CYREN: variants seen among roughly 807,000 people sequenced by gnomAD.
CYREN encodes cell cycle regulator of non-homologous end joining.
In CYREN, 7 loss-of-function variants were observed where a neutral mutation model predicts 9.7. The ratio of observed to expected loss-of-function variants is 0.72; its 90% CI spans 0.41 to 1.36. The LOEUF (loss-of-function observed/expected upper bound fraction) is 1.36, where lower values mean the gene tolerates loss of function less well. CYREN is among the 40% of genes most tolerant of loss of function. The pLI is 0.01. For missense variants in CYREN, 215 were observed against 198.1 expected, an observed-to-expected ratio of 1.09 and a Z score of -0.51; for synonymous variants, 76 against 77.9, an observed-to-expected ratio of 0.98 and a Z score of 0.13.
chr7:135,128,836 A>T, intron 2 of CYREN: 1 of 1,167,152 alleles, frequency 8.6e-7, no homozygotes, highest in East Asian at 2.3e-5. Flanking sequence ...TGTGTGCAGG[A>T]TGTGGAATCA....
At chr7:135,095,481 A>C (rs1822528578) in intron 2 of CYREN, among the ~76,000 whole-genome samples, 1 of 152,230 alleles carries the variant, frequency 6.6e-6, no homozygotes, top group South Asian at 2.1e-4. Flanking sequence ...AACATTAAAC[A>C]GTCCAATTCC....
intron 2 of CYREN, among the ~76,000 whole-genome samples, chr7:135,137,076 A>T (rs1173744346): frequency 2.6e-5 from 4 of 152,034 alleles, no homozygotes; most frequent in Non-Finnish European, 4.4e-5. Context: ...ATTCAACTCA[A>T]CTGCTGCCTT....
At chr7:135,121,908 T>C (rs1262482311) in intron 2 of CYREN, among the ~76,000 whole-genome samples, 1 of 152,114 alleles carries the variant, frequency 6.6e-6, no homozygotes, top group African/African-American at 2.4e-5. Context: ...AACCTATAGA[T>C]TGGAAGATCC....
intron 3 of CYREN, 155 bp downstream of exon 3, chr7:135,167,577 T>G: frequency 1.0e-6 from 1 of 985,364 alleles, no homozygotes; most frequent in Non-Finnish European, 1.2e-6. Flanking sequence ...GGGAGAGGCC[T>G]GGGCAGCATG....
At position 135,168,930 on chromosome 7, in the gene CYREN, C is replaced by T. The variant is rs771799213; in HGVS notation, c.-8G>A. ...GGATTGTAAGGTTTCCATCTCTGTACCTTCTCACAAAGAAGAGTCAGGGCC... is the reference window on the plus strand; with the variant it reads ...GGATTGTAAGGTTTCCATCTCTGTATCTTCTCACAAAGAAGAGTCAGGGCC... On this transcript the variant is annotated 5_prime_UTR_variant, in exon 2 of 4. Coordinates refer to ENST00000393114, the MANE Select transcript of CYREN (RefSeq NM_024033.4). The T allele has an allele frequency of 2.5e-6, 4 of 1,575,356 alleles. No individual in the cohort carries two copies. Among genetic ancestry groups the T allele is most frequent in the Non-Finnish European group, 3.4e-6 (4 of 1,161,390 alleles).
chr7:135,123,502 C>T (rs1324496528), intron 2 of CYREN, among the ~76,000 whole-genome samples: 4 of 152,138 alleles, frequency 2.6e-5, no homozygotes, highest in Admixed American at 1.3e-4. Context: ...TCTCCAACCT[C>T]GCAAGACAGG....
intron 2 of CYREN, chr7:135,168,057 G>A: frequency 1.8e-6 from 1 of 556,502 alleles, no homozygotes; most frequent in Non-Finnish European, 3.1e-6. Context: ...ACAAGGATCT[G>A]GAAGTAGGGA....
intron 2 of CYREN, among the ~76,000 whole-genome samples, chr7:135,111,456 T>C (rs891493836): frequency 6.6e-6 from 1 of 152,216 alleles, no homozygotes; most frequent in East Asian, 1.9e-4. Context: ...CTATTTCCCT[T>C]GATTCATTGA....
intron 2 of CYREN, among the ~76,000 whole-genome samples, chr7:135,118,084 C>A (rs1826583520): frequency 6.6e-6 from 1 of 152,200 alleles, no homozygotes; most frequent in Admixed American, 6.5e-5. Flanking sequence ...TTCCTGAAGC[C>A]TGGCTGAATT....
At position 135,166,701 on chromosome 7, in the gene CYREN, C is replaced by T. The variant is rs758493217; in HGVS notation, c.384G>A (p.Pro128=). The stretch of plus-strand genomic sequence containing the variant: ...TGCTACAGGCAGAGCTGGAACCCCC[C>T]GGCCTCTGGGAAGGGCTGAGGCCTG... The part of the protein sequence containing the change: ...LAPGLSPSQR[P]GGSSSACSRS... Residue 128 remains proline (P), a synonymous_variant, in exon 4 of 4, where the codon CCG becomes CCA. Transcript: ENST00000393114. 8.7e-6 allele frequency: 14 copies of T among 1,613,028 alleles called. No homozygotes were observed. The highest frequency in any genetic ancestry group is 6.7e-5 in the African/African-American group (5 of 74,930).
In CYREN at chr7:135,157,861, C is replaced by T. The variant is rs147005441; in HGVS notation, n.356+10888G>A. Among the ~76,000 whole-genome samples the T allele has an allele frequency of 4.0e-3, 610 of 152,244 alleles. 2 individuals carry two copies. The highest frequency in any genetic ancestry group is 7.2e-3 in the Admixed American group (110 of 15,302). On this transcript the variant is annotated intron_variant and non_coding_transcript_variant, in intron 2 of 2. Coordinates refer to the CYREN transcript ENST00000459937. ...CACATTGCCTGATTGTTAATTCAGA[C>T]TGGTTATGAATCAGCATTAAACTCT...
At chr7:135,099,616 C>T (rs1392550249) in intron 2 of CYREN, among the ~76,000 whole-genome samples, 1 of 152,142 alleles carries the variant, frequency 6.6e-6, no homozygotes, top group Non-Finnish European at 1.5e-5. Context: ...GACTACCTTA[C>T]ACCTTTTCCT....
At chr7:135,167,031 C>T (rs1830204969) in intron 3 of CYREN, 160 bp from the exon 4 acceptor site, 2 of 985,260 alleles carry the variant, frequency 2.0e-6, no homozygotes, top group South Asian at 4.7e-5. Flanking sequence ...CTCTTCACCC[C>T]ACTCCTTCCC....
chr7:135,142,229 T>C (rs1829465819), intron 2 of CYREN, among the ~76,000 whole-genome samples: 1 of 151,954 alleles, frequency 6.6e-6, no homozygotes. Context: ...TTTCAGACAA[T>C]TTATTTCATA....
At chr7:135,104,289 A>C (rs1238541493) in intron 2 of CYREN, among the ~76,000 whole-genome samples, 2 of 152,184 alleles carry the variant, frequency 1.3e-5, no homozygotes, top group Non-Finnish European at 2.9e-5. Context: ...GTGTATGTGT[A>C]CCACATTTTC....
chr7:135,152,862 T>C (rs566089832), intron 2 of CYREN: 6 of 152,214 alleles, frequency 3.9e-5, no homozygotes, highest in Non-Finnish European at 8.8e-5. Context: ...GTAAGTTCCA[T>C]GCGGCAGTCC....
intron 2 of CYREN, among the ~76,000 whole-genome samples, chr7:135,155,549 C>T (rs1054718092): frequency 5.9e-5 from 9 of 152,150 alleles, no homozygotes; most frequent in African/African-American, 2.2e-4. Flanking sequence ...AACCTTTTGG[C>T]TGGGCATCGT....
intron 2 of CYREN, among the ~76,000 whole-genome samples, chr7:135,153,456 C>CAAAAAAAAAAAAAAAA: frequency 1.2e-5 from 1 of 81,358 alleles, no homozygotes; most frequent in Non-Finnish European, 2.3e-5. Context: ...TCCATCTCCA[C>CAAAAAAAAAAAAAAAA]AAAAAAAAAA....
rs1175748558 is a variant in CYREN at position 135,167,279 on chromosome 7, C to T, written c.214-408G>A. 6.5e-6 allele frequency: 7 copies of T among 1,069,544 alleles called. No homozygotes were observed. The African/African-American group carries it at 1.2e-4, about 18-fold the overall frequency. 66.3% of individuals were successfully genotyped at this position (1,069,544 alleles called of 1,614,324 possible). On this transcript the variant is annotated intron_variant, in intron 3 of 3. Coordinates refer to ENST00000393114, the MANE Select transcript of CYREN (RefSeq NM_024033.4). ...AATGACATAACGCATGCTTTCAAGG[C>T]ACCTGGTAAACTGTAGAATGCTGTG...
Sources: allele counts gnomAD v4.1 joint callset (sites outside exome capture counted in the v4.1 genomes callset), GRCh38; gene constraint gnomAD v4.1.1; transcripts MANE v1.5; gene names NCBI Gene and HGNC (gene_info 2026-07-23, HGNC 2026-07-21).